NR6A1: variants seen among roughly 807,000 people sequenced by gnomAD.
NR6A1 encodes the protein retinoic acid receptor-related testis-associated receptor.
Under a neutral mutation model 59.1 loss-of-function variants are expected in NR6A1, and 7 were observed. The observed-to-expected ratio is 0.12, with a 90% CI of 0.07 to 0.22. The LOEUF is 0.22. Ranked by LOEUF, NR6A1 falls within the 10% of genes least tolerant of loss-of-function variation. The pLI is 1.00. For missense variants in NR6A1, 468 were observed against 611.6 expected, an observed-to-expected ratio of 0.77 and a Z score of 2.48; for synonymous variants, 243 against 236.1, an observed-to-expected ratio of 1.03 and a Z score of -0.27.
chr9:124,650,817 A>G (rs1837077593), intron 2 of NR6A1, among the ~76,000 whole-genome samples: 2 of 152,232 alleles, frequency 1.3e-5, no homozygotes, highest in Admixed American at 6.5e-5. Flanking sequence ...CACTTAAGGA[A>G]GAAATTATAC....
chr9:124,581,557 A>C (rs748552671), intron 2 of NR6A1, among the ~76,000 whole-genome samples: 6 of 152,112 alleles, frequency 3.9e-5, no homozygotes, highest in Non-Finnish European at 7.3e-5. Flanking sequence ...ACGCCATTGC[A>C]CTCCAGCCTG....
At chr9:124,690,116 C>T (rs112060094) in intron 2 of NR6A1, among the ~76,000 whole-genome samples, 2 of 152,172 alleles carry the variant, frequency 1.3e-5, no homozygotes, top group Non-Finnish European at 1.5e-5. Context: ...AGCATTACCC[C>T]CAAACACTTA....
chr9:124,588,215 T>C (rs1401446259), intron 2 of NR6A1, among the ~76,000 whole-genome samples: 1 of 152,142 alleles, frequency 6.6e-6, no homozygotes, highest in African/African-American at 2.4e-5. Context: ...TGGTAACCTA[T>C]GGCAAATGTT....
At chr9:124,758,450 T>C (rs10818987) in intron 1 of NR6A1, among the ~76,000 whole-genome samples, 61,657 of 152,030 alleles carry the variant, frequency 0.41, 14,516 homozygotes, top group Admixed American at 0.57. Context: ...CAGATAAATA[T>C]CCCATTACAA....
At chr9:124,656,545 CAG>C (rs2130931185) in intron 2 of NR6A1, among the ~76,000 whole-genome samples, 1 of 152,200 alleles carries the variant, frequency 6.6e-6, no homozygotes, top group East Asian at 1.9e-4. Flanking sequence ...AGCAAACAGA[CAG>C]AGGCTAGGCA....
At chr9:124,590,483 T>G (rs1180618165) in intron 2 of NR6A1, among the ~76,000 whole-genome samples, 2 of 152,212 alleles carry the variant, frequency 1.3e-5, no homozygotes, top group African/African-American at 2.4e-5. Flanking sequence ...ATTCAACATC[T>G]GTTAAGCAAC....
At chr9:124,603,511 T>C (rs1044613571) in intron 2 of NR6A1, among the ~76,000 whole-genome samples, 1 of 152,192 alleles carries the variant, frequency 6.6e-6, no homozygotes, top group Admixed American at 6.5e-5. Flanking sequence ...CTTCCAACAA[T>C]GAAGGGCTGG....
At chr9:124,719,135 T>G (rs1306264260) in intron 2 of NR6A1, among the ~76,000 whole-genome samples, 1 of 152,096 alleles carries the variant, frequency 6.6e-6, no homozygotes, top group Non-Finnish European at 1.5e-5. Context: ...GGTCTCACTC[T>G]GTTGCCCAGG....
chr9:124,730,833 A>T (rs980352978), intron 2 of NR6A1, among the ~76,000 whole-genome samples: 1 of 152,208 alleles, frequency 6.6e-6, no homozygotes, highest in African/African-American at 2.4e-5. Context: ...TGGGTACTAA[A>T]TGCTAAACTA....
At chr9:124,634,626 T>C (rs1387432062) in intron 2 of NR6A1, among the ~76,000 whole-genome samples, 2 of 151,984 alleles carry the variant, frequency 1.3e-5, no homozygotes, top group Non-Finnish European at 2.9e-5. Flanking sequence ...TCAAGACCAT[T>C]CTGGCTAACA....
intron 2 of NR6A1, among the ~76,000 whole-genome samples, chr9:124,560,860 C>T (rs1235717640): frequency 2.0e-5 from 3 of 152,096 alleles, no homozygotes; most frequent in African/African-American, 7.2e-5. Context: ...TGTGCTTGCC[C>T]CAAAGACAAT....
intron 1 of NR6A1, among the ~76,000 whole-genome samples, chr9:124,763,234 G>A (rs1840829366): frequency 6.6e-6 from 1 of 152,178 alleles, no homozygotes; most frequent in South Asian, 2.1e-4. Flanking sequence ...CTTCATCAAG[G>A]ATGACATTAA....
At chr9:124,749,706 G>T (rs1001514133) in intron 1 of NR6A1, among the ~76,000 whole-genome samples, 1 of 152,124 alleles carries the variant, frequency 6.6e-6, no homozygotes, top group African/African-American at 2.4e-5. Flanking sequence ...AACTATAGAT[G>T]CACACCATCA....
At chr9:124,587,545 G>C (rs1208014291) in intron 2 of NR6A1, among the ~76,000 whole-genome samples, 1 of 152,134 alleles carries the variant, frequency 6.6e-6, no homozygotes, top group Admixed American at 6.6e-5. Context: ...TGTTCTAAAA[G>C]GGTAAAAAAT....
At chr9:124,759,885 C>T (rs1379455237) in intron 1 of NR6A1, among the ~76,000 whole-genome samples, 1 of 151,788 alleles carries the variant, frequency 6.6e-6, no homozygotes, top group African/African-American at 2.4e-5. Flanking sequence ...ACTAAAAATA[C>T]AAAAATTAGC....
intron 2 of NR6A1, among the ~76,000 whole-genome samples, chr9:124,681,324 T>C (rs1251363525): frequency 4.0e-5 from 6 of 150,028 alleles, no homozygotes; most frequent in Non-Finnish European, 7.4e-5. Flanking sequence ...TTGTTGCCAA[T>C]GATAACATTT....
At chr9:124,581,922 A>C (rs1457021603) in intron 2 of NR6A1, among the ~76,000 whole-genome samples, 2 of 152,196 alleles carry the variant, frequency 1.3e-5, no homozygotes, top group African/African-American at 4.8e-5. Flanking sequence ...GTGAAGAAAC[A>C]ACAGATGCTG....
intron 2 of NR6A1, among the ~76,000 whole-genome samples, chr9:124,673,184 T>C (rs1837847490): frequency 6.6e-6 from 1 of 152,100 alleles, no homozygotes; most frequent in African/African-American, 2.4e-5. Context: ...TAGCCAGGCA[T>C]GGTGGCATGT....
intron 2 of NR6A1, among the ~76,000 whole-genome samples, chr9:124,694,332 A>G (rs1371735537): frequency 6.6e-6 from 1 of 152,092 alleles, no homozygotes; most frequent in Non-Finnish European, 1.5e-5. Context: ...ATTTTTACCT[A>G]TTGTTCTATA....
Sources: allele counts gnomAD v4.1 joint callset (sites outside exome capture counted in the v4.1 genomes callset), GRCh38; gene constraint gnomAD v4.1.1; transcripts MANE v1.5; gene names NCBI Gene and HGNC (gene_info 2026-07-23, HGNC 2026-07-21).